OCA2: variants seen among roughly 807,000 people sequenced by gnomAD.
The protein encoded by OCA2 is P protein.
In OCA2, 77 loss-of-function variants were observed where a neutral mutation model predicts 100.2. The observed-to-expected ratio is 0.77, with a 90% CI of 0.64 to 0.93. The LOEUF (loss-of-function observed/expected upper bound fraction) is 0.93. Ranked by LOEUF, OCA2 falls within the 40% of genes least tolerant of loss-of-function variation. The pLI, the probability that OCA2 is intolerant of heterozygous loss-of-function variation, is 0.00. For synonymous variants in OCA2, 432 were observed against 439.2 expected (o/e 0.98, Z 0.21); for missense variants, 1,062 against 1,089.1 (o/e 0.98, Z 0.35).
intron 23 of OCA2, among the ~76,000 whole-genome samples, chr15:27,770,248 C>G (rs2031614703): frequency 6.6e-6 from 1 of 152,168 alleles, no homozygotes; most frequent in Non-Finnish European, 1.5e-5. Flanking sequence ...GGGGGCTCCG[C>G]GGGGTCCGCA....
chr15:27,881,031 T>A (rs1332671708), intron 19 of OCA2, among the ~76,000 whole-genome samples: 1 of 152,146 alleles, frequency 6.6e-6, no homozygotes, highest in Non-Finnish European at 1.5e-5. Context: ...GAGGTACAGT[T>A]CCATCAATAC....
intron 2 of OCA2, among the ~76,000 whole-genome samples, chr15:28,036,867 C>G (rs2043059376): frequency 1.3e-5 from 2 of 152,120 alleles, no homozygotes; most frequent in Admixed American, 1.3e-4. Flanking sequence ...TGCCCTCAGT[C>G]TTTCTTAGGC....
chr15:27,983,380 C>T lies in OCA2; in HGVS notation c.1468G>A (p.Val490Ile), dbSNP rs1217644417. The T allele has an allele frequency of 6.2e-7, 1 of 1,614,184 alleles. No homozygotes were observed. The highest frequency in any genetic ancestry group is 8.5e-7 in the Non-Finnish European group (1 of 1,180,034). ...AATAIGDPPN[V>I]IIVSNQELRK... The stretch of plus-strand genomic sequence containing the variant: ...AGCTCTTGGTTGGAAACAATAATGA[C>T]ATTTGGAGGGTCCCCGATGGCAGTG... The change falls in exon 14 of 24, where the codon GTC becomes ATC. Residue 490 changes from valine (V) to isoleucine (I), a missense_variant. By Grantham distance (29) the Val-to-Ile change is conservative. Transcript: ENST00000354638.
chr15:27,964,522 C>T (rs1473177002), intron 15 of OCA2, among the ~76,000 whole-genome samples: 1 of 152,182 alleles, frequency 6.6e-6, no homozygotes. Flanking sequence ...ATTCTCTTTG[C>T]CTTCAAGGCT....
chr15:27,811,189 G>A (rs1595449884), intron 23 of OCA2, among the ~76,000 whole-genome samples: 1 of 108,200 alleles, frequency 9.2e-6, no homozygotes, highest in Non-Finnish European at 2.1e-5. Flanking sequence ...CTACTTAGCC[G>A]TAAAAAAAAA....
intron 18 of OCA2, among the ~76,000 whole-genome samples, chr15:27,942,074 A>G (rs1334328791): frequency 6.6e-6 from 1 of 152,130 alleles, no homozygotes; most frequent in Non-Finnish European, 1.5e-5. Context: ...GTAAAGGTGC[A>G]TCTGCTCTGG....
chr15:27,777,103 T>C (rs1231038664), intron 23 of OCA2, among the ~76,000 whole-genome samples: 1 of 152,060 alleles, frequency 6.6e-6, no homozygotes, highest in East Asian at 1.9e-4. Context: ...TAGAGGTGCC[T>C]GGTGGGCTGA....
intron 1 of OCA2, among the ~76,000 whole-genome samples, chr15:28,084,656 A>G (rs2044744150): frequency 6.6e-6 from 1 of 152,150 alleles, no homozygotes; most frequent in African/African-American, 2.4e-5. Flanking sequence ...TCAACTGGGG[A>G]AAAATCTGCT....
intron 2 of OCA2, among the ~76,000 whole-genome samples, chr15:28,074,003 G>GACACAC (rs10534274): frequency 9.6e-5 from 14 of 146,238 alleles, no homozygotes; most frequent in African/African-American, 1.5e-4. Flanking sequence ...ATGACAGACA[G>GACACAC]ACACACACAC....
Position 27,851,428 on chromosome 15 carries a change from G to C in OCA2, c.2292C>G (p.Pro764=). The change falls in exon 22 of 24, where the codon CCC becomes CCG. Residue 764 remains proline, a synonymous_variant. Transcript: ENST00000354638. ...NLSHDPEVGL[P]APPLMYALAF... ...CCAGGGCATACATGAGCGGCGGTGC[G>C]GGCAGGCCAACCTCAGGGTCGTGGC... 1 of 1,613,934 alleles carries C rather than the reference G, an allele frequency of 6.2e-7. No homozygotes were observed.
At chr15:27,966,490 C>G (rs2040570350) in intron 15 of OCA2, among the ~76,000 whole-genome samples, 200 bp downstream of exon 15, 1 of 152,206 alleles carries the variant, frequency 6.6e-6, no homozygotes, top group African/African-American at 2.4e-5. Flanking sequence ...CCACAGTACA[C>G]TTCACAGAAA....
At chr15:27,956,125 G>A (rs528524091) in intron 16 of OCA2, among the ~76,000 whole-genome samples, 9 of 152,228 alleles carry the variant, frequency 5.9e-5, no homozygotes, top group East Asian at 1.9e-4. Flanking sequence ...TGAGGCAGGC[G>A]GATCACCTGA....
intron 23 of OCA2, among the ~76,000 whole-genome samples, chr15:27,800,782 T>C (rs1200449342): frequency 4.1e-5 from 6 of 146,496 alleles, no homozygotes; most frequent in Non-Finnish European, 6.0e-5. Flanking sequence ...CTGGGCAACA[T>C]GGTAAAACCC....
At position 27,884,247 on chromosome 15, in the gene OCA2, G is replaced by A. The variant is rs957271176; in HGVS notation, c.2080-12325C>T. Among the ~76,000 whole-genome samples, 4 of 152,182 alleles carry A rather than the reference G, an allele frequency of 2.6e-5. No homozygotes were observed. The South Asian group carries it at 6.2e-4, about 24-fold the overall frequency. On this transcript the variant is annotated intron_variant, in intron 19 of 23. Coordinates refer to ENST00000354638, the MANE Select transcript of OCA2 (RefSeq NM_000275.3). ...AATAAAATTAACCAGACATGGTGGC[G>A]CAAGCCTGTAGTCCCAGCTCCAGAG...
chr15:27,955,251 G>C (rs773184031), intron 16 of OCA2, 36 bp from the exon 17 acceptor site: 1 of 1,490,012 alleles, frequency 6.7e-7, no homozygotes. Context: ...TACTTCCCTG[G>C]TCACGCTGCG....
chr15:27,848,959 G>A, intron 22 of OCA2, among the ~76,000 whole-genome samples: 1 of 151,736 alleles, frequency 6.6e-6, no homozygotes, highest in Non-Finnish European at 1.5e-5. Flanking sequence ...CTGGATTGGT[G>A]TGAACACAGC....
intron 19 of OCA2, among the ~76,000 whole-genome samples, chr15:27,901,985 G>C (rs748656249): frequency 1.3e-5 from 2 of 152,178 alleles, no homozygotes; most frequent in Non-Finnish European, 1.5e-5. Context: ...TCCTGGCAGG[G>C]GGCGGAGGGG....
intron 18 of OCA2, among the ~76,000 whole-genome samples, chr15:27,935,244 T>C (rs1050497907): frequency 2.6e-5 from 4 of 152,230 alleles, no homozygotes; most frequent in Non-Finnish European, 5.9e-5. Flanking sequence ...ACCATTTACG[T>C]GACCTGTCTT....
chr15:28,077,065 T>G (rs968928324), intron 2 of OCA2, among the ~76,000 whole-genome samples: 4 of 151,388 alleles, frequency 2.6e-5, no homozygotes, highest in Admixed American at 6.6e-5. Context: ...AATTTGTTTT[T>G]TTTTTTTTTT....
Sources: gnomAD v4.1 joint callset for allele counts (sites outside exome capture counted in the v4.1 genomes callset) on GRCh38, gnomAD v4.1.1 for gene constraint, MANE v1.5 for transcripts, NCBI Gene and HGNC (gene_info 2026-07-23, HGNC 2026-07-21) for gene names.